Variants in HS3ST4 observed in about 807,000 individuals in gnomAD.
The protein encoded by HS3ST4 is heparan sulfate glucosamine 3-O-sulfotransferase 4.
HS3ST4 carries 17 observed loss-of-function variants against 29.2 expected under a neutral mutation model. That is an observed-to-expected ratio of 0.58 (90% CI 0.40 to 0.87). The LOEUF (loss-of-function observed/expected upper bound fraction) is 0.87, where lower values mean the gene tolerates loss of function less well. Among genes scored for constraint, HS3ST4 ranks in the 40% least tolerant of loss-of-function variants. The pLI, the probability that HS3ST4 is intolerant of heterozygous loss-of-function variation, is 0.00. For missense variants in HS3ST4, 627 were observed against 634.5 expected (o/e 0.99, Z 0.13); for synonymous variants, 314 against 285.7 (o/e 1.10, Z -1.00).
At chr16:26,021,852 C>T (rs1301606091) in intron 1 of HS3ST4, among the ~76,000 whole-genome samples, 3 of 151,716 alleles carry the variant, frequency 2.0e-5, no homozygotes, top group African/African-American at 2.4e-5. Flanking sequence ...TTAGTAGCGA[C>T]GGGGTTTCAC....
intron 1 of HS3ST4, among the ~76,000 whole-genome samples, chr16:25,784,372 G>A (rs12596380): frequency 1.3e-5 from 2 of 151,958 alleles, no homozygotes; most frequent in East Asian, 1.9e-4. Flanking sequence ...AGTGAGAAAC[G>A]CATGTCTGCA....
chr16:25,889,540 T>C (rs553727563), intron 1 of HS3ST4, among the ~76,000 whole-genome samples: 2 of 152,364 alleles, frequency 1.3e-5, no homozygotes, highest in South Asian at 4.1e-4. Context: ...ACTGGTATTC[T>C]TGATTCTTAG....
chr16:25,785,964 G>A (rs1229587487), intron 1 of HS3ST4, among the ~76,000 whole-genome samples: 1 of 152,214 alleles, frequency 6.6e-6, no homozygotes, highest in Non-Finnish European at 1.5e-5. Context: ...TGGCAGTGGT[G>A]AAGATGGGGA....
chr16:26,121,125 A>G (rs1259324155), intron 1 of HS3ST4, among the ~76,000 whole-genome samples: 2 of 152,158 alleles, frequency 1.3e-5, no homozygotes, highest in Admixed American at 1.3e-4. Context: ...CTCAGGCTTG[A>G]GGCGGTTAAG....
At chr16:26,088,169 T>G (rs1012038568) in intron 1 of HS3ST4, among the ~76,000 whole-genome samples, 4 of 152,180 alleles carry the variant, frequency 2.6e-5, no homozygotes, top group African/African-American at 9.7e-5. Flanking sequence ...CTGCATAATC[T>G]GTTTGTGTAT....
chr16:25,861,886 T>C (rs1309046311), intron 1 of HS3ST4, among the ~76,000 whole-genome samples: 1 of 152,228 alleles, frequency 6.6e-6, no homozygotes, highest in Non-Finnish European at 1.5e-5. Context: ...TCACTCAACG[T>C]TGTGTTTGTA....
chr16:25,979,703 G>A (rs752465020), intron 1 of HS3ST4, among the ~76,000 whole-genome samples: 7 of 152,100 alleles, frequency 4.6e-5, no homozygotes, highest in East Asian at 1.9e-4. Context: ...AGTGTAATGC[G>A]CTTGAATCAT....
At chr16:26,124,230 T>C (rs1899313828) in intron 1 of HS3ST4, among the ~76,000 whole-genome samples, 1 of 152,216 alleles carries the variant, frequency 6.6e-6, no homozygotes, top group African/African-American at 2.4e-5. Flanking sequence ...CAAAAACTTT[T>C]TAAGGGCAAG....
chr16:25,875,839 A>G (rs138755118), intron 1 of HS3ST4, among the ~76,000 whole-genome samples: 234 of 152,242 alleles, frequency 1.5e-3, no homozygotes, highest in African/African-American at 5.5e-3. Context: ...GGGCTCCTCC[A>G]GCTGAGGGCA....
intron 1 of HS3ST4, among the ~76,000 whole-genome samples, chr16:25,821,057 AT>A (rs1259738012): frequency 0.024 from 3,278 of 135,012 alleles, 69 homozygotes; most frequent in African/African-American, 0.071. Flanking sequence ...GCGCCTTTGA[AT>A]TTTTTTTTTT....
At chr16:25,855,173 T>A (rs1425849823) in intron 1 of HS3ST4, among the ~76,000 whole-genome samples, 1 of 152,104 alleles carries the variant, frequency 6.6e-6, no homozygotes, top group Non-Finnish European at 1.5e-5. Context: ...GGCAGTTGGT[T>A]GAAAGAGTTA....
At chr16:25,875,628 G>A (rs1967823015) in intron 1 of HS3ST4, among the ~76,000 whole-genome samples, 1 of 152,124 alleles carries the variant, frequency 6.6e-6, no homozygotes, top group Admixed American at 6.6e-5. Flanking sequence ...GAGGTTCAGG[G>A]TCCTAGGCAC....
intron 1 of HS3ST4, among the ~76,000 whole-genome samples, chr16:25,703,030 G>A (rs757659022): frequency 2.1e-4 from 32 of 152,204 alleles, no homozygotes; most frequent in Non-Finnish European, 4.4e-4. Flanking sequence ...ATGGTGATGC[G>A]TGCCTGTAAT....
chr16:25,964,970 T>A (rs924589280), intron 1 of HS3ST4, among the ~76,000 whole-genome samples: 1 of 152,158 alleles, frequency 6.6e-6, no homozygotes, highest in Non-Finnish European at 1.5e-5. Context: ...AAATACCTCC[T>A]ATATGCCAGG....
chr16:26,119,125 T>G (rs1317730877), intron 1 of HS3ST4, among the ~76,000 whole-genome samples: 3 of 152,224 alleles, frequency 2.0e-5, no homozygotes. Flanking sequence ...TTGTGTACAC[T>G]GCAAATAGCA....
intron 1 of HS3ST4, among the ~76,000 whole-genome samples, chr16:26,063,521 AAAAAAAAAG>A (rs1430387402): frequency 6.6e-6 from 1 of 151,684 alleles, no homozygotes; most frequent in East Asian, 1.9e-4. Flanking sequence ...TACTGAAAAA[AAAAAAAAAG>A]AAAAAAACCA....
intron 1 of HS3ST4, chr16:26,032,785 A>G: frequency 7.3e-7 from 1 of 1,367,234 alleles, no homozygotes; most frequent in Middle Eastern, 1.8e-4. Context: ...CTCCCTTAGC[A>G]TCCCCTTCAG....
intron 1 of HS3ST4, among the ~76,000 whole-genome samples, chr16:25,897,620 T>A (rs1968080980): frequency 6.6e-6 from 1 of 151,994 alleles, no homozygotes. Context: ...TGATAAGGAT[T>A]GAACTGGATA....
intron 1 of HS3ST4, among the ~76,000 whole-genome samples, chr16:25,849,809 G>A (rs899152843): frequency 6.8e-6 from 1 of 146,794 alleles, no homozygotes; most frequent in African/African-American, 2.5e-5. Flanking sequence ...GCCTCACTTA[G>A]AGCTCCTTAA....
Sources: allele counts gnomAD v4.1 joint callset (sites outside exome capture counted in the v4.1 genomes callset), GRCh38; gene constraint gnomAD v4.1.1; transcripts MANE v1.5; gene names NCBI Gene and HGNC (gene_info 2026-07-23, HGNC 2026-07-21).